ROBO2: variants seen among roughly 807,000 people sequenced by gnomAD.
ROBO2 encodes the protein roundabout homolog 2.
ROBO2 carries 53 observed loss-of-function variants against 160.8 expected under a neutral mutation model. The ratio of observed to expected loss-of-function variants is 0.33; its 90% CI spans 0.26 to 0.41. The LOEUF (loss-of-function observed/expected upper bound fraction) is 0.41. ROBO2 is among the 10% of genes least tolerant of loss of function. The probability of loss-of-function intolerance (pLI) is 1.00; values close to 1 mark genes in which losing one functional copy is unlikely to be tolerated. For missense variants in ROBO2, 1,577 were observed against 1,722.4 expected, an observed-to-expected ratio of 0.92 and a Z score of 1.49; for synonymous variants, 664 against 611.7, an observed-to-expected ratio of 1.09 and a Z score of -1.26.
intron 2 of ROBO2, among the ~76,000 whole-genome samples, chr3:76,281,487 G>C (rs565690499): frequency 6.6e-6 from 1 of 151,924 alleles, no homozygotes; most frequent in East Asian, 1.9e-4. Flanking sequence ...AAAATGTTTG[G>C]ACAGGAGACA....
intron 2 of ROBO2, among the ~76,000 whole-genome samples, chr3:77,111,249 A>G (rs1051894653): frequency 1.3e-5 from 2 of 152,200 alleles, no homozygotes; most frequent in African/African-American, 4.8e-5. Context: ...AACATTAAAT[A>G]AAACTAATAA....
chr3:76,254,383 T>A (rs1405148172), intron 2 of ROBO2, among the ~76,000 whole-genome samples: 1 of 152,090 alleles, frequency 6.6e-6, no homozygotes, highest in East Asian at 1.9e-4. Flanking sequence ...GTTTATATGA[T>A]CAACACACTC....
At chr3:76,434,520 T>A in intron 2 of ROBO2, 2 of 1,566,566 alleles carry the variant, frequency 1.3e-6, no homozygotes, top group Non-Finnish European at 1.8e-6. Context: ...TACAAAGATG[T>A]GGATAAGAAG....
At chr3:76,999,658 A>G (rs1052009815) in intron 2 of ROBO2, among the ~76,000 whole-genome samples, 2 of 152,176 alleles carry the variant, frequency 1.3e-5, no homozygotes, top group African/African-American at 4.8e-5. Flanking sequence ...ACAATTTAGC[A>G]AGAAATGTGT....
At chr3:76,439,854 T>C in intron 2 of ROBO2, among the ~76,000 whole-genome samples, 1 of 152,162 alleles carries the variant, frequency 6.6e-6, no homozygotes, top group Admixed American at 6.6e-5. Context: ...GGATGTAGTC[T>C]TCACACTCCC....
At chr3:77,539,624 T>C (rs1023228509) in intron 6 of ROBO2, among the ~76,000 whole-genome samples, 11 of 152,196 alleles carry the variant, frequency 7.2e-5, no homozygotes, top group African/African-American at 2.7e-4. Context: ...TTCTGTTCTT[T>C]TTAAAATGTA....
chr3:76,733,252 G>A (rs1056925245), intron 2 of ROBO2, among the ~76,000 whole-genome samples: 1 of 152,178 alleles, frequency 6.6e-6, no homozygotes, highest in East Asian at 1.9e-4. Context: ...AACAGACTGT[G>A]TATACAAAGA....
At chr3:76,332,846 T>C (rs1288765564) in intron 2 of ROBO2, among the ~76,000 whole-genome samples, 4 of 152,240 alleles carry the variant, frequency 2.6e-5, no homozygotes, top group African/African-American at 9.6e-5. Context: ...AGTTATGTAA[T>C]AGAATAAAGT....
chr3:77,056,816 A>T (rs2065796460), intron 1 of ROBO2, among the ~76,000 whole-genome samples: 1 of 152,204 alleles, frequency 6.6e-6, no homozygotes, highest in South Asian at 2.1e-4. Context: ...AGGAATTGAC[A>T]TGTAATATAC....
At chr3:76,459,833 A>G (rs917111037) in intron 2 of ROBO2, among the ~76,000 whole-genome samples, 1 of 152,114 alleles carries the variant, frequency 6.6e-6, no homozygotes, top group Non-Finnish European at 1.5e-5. Context: ...TTTATCATTC[A>G]TTTCTATAAA....
intron 2 of ROBO2, among the ~76,000 whole-genome samples, chr3:76,937,336 T>G (rs1469407371): frequency 7.8e-6 from 1 of 127,906 alleles, no homozygotes; most frequent in Non-Finnish European, 1.7e-5. Flanking sequence ...AGAAATAACT[T>G]CCAGGGTTTT....
At chr3:77,178,742 T>A (rs1402018771) in intron 2 of ROBO2, among the ~76,000 whole-genome samples, 1 of 152,154 alleles carries the variant, frequency 6.6e-6, no homozygotes, top group Non-Finnish European at 1.5e-5. Flanking sequence ...AGATTGCACT[T>A]AAATATTCTC....
chr3:76,292,929 T>C (rs1708876701), intron 2 of ROBO2, among the ~76,000 whole-genome samples: 1 of 152,104 alleles, frequency 6.6e-6, no homozygotes, highest in South Asian at 2.1e-4. Flanking sequence ...TTTTAGAAGA[T>C]ATTTCTGAAT....
At chr3:75,938,211 G>T (rs1947885396) in intron 2 of ROBO2, among the ~76,000 whole-genome samples, 2 of 151,726 alleles carry the variant, frequency 1.3e-5, no homozygotes, top group African/African-American at 4.8e-5. Flanking sequence ...AGTAGAAAAG[G>T]GCCATAGATT....
intron 2 of ROBO2, among the ~76,000 whole-genome samples, chr3:77,263,714 G>A (rs371610635): frequency 6.6e-5 from 10 of 152,150 alleles, no homozygotes; most frequent in African/African-American, 2.4e-4. Flanking sequence ...CAGTGAACAT[G>A]AGTGAATGTG....
chr3:76,976,424 G>A (rs1393820201), intron 2 of ROBO2, among the ~76,000 whole-genome samples: 1 of 152,124 alleles, frequency 6.6e-6, no homozygotes, highest in Admixed American at 6.5e-5. Context: ...ATGGGAAATG[G>A]GAAGTTTTTT....
At chr3:75,953,674 T>A (rs1464941209) in intron 2 of ROBO2, among the ~76,000 whole-genome samples, 3 of 151,900 alleles carry the variant, frequency 2.0e-5, no homozygotes, top group African/African-American at 7.2e-5. Flanking sequence ...TATAGGCCCC[T>A]TTCAAACAGT....
chr3:75,967,314 C>T (rs1949150588), intron 2 of ROBO2, among the ~76,000 whole-genome samples: 1 of 151,500 alleles, frequency 6.6e-6, no homozygotes, highest in African/African-American at 2.4e-5. Context: ...GAGAAGATTT[C>T]AGTTACTTGC....
intron 2 of ROBO2, among the ~76,000 whole-genome samples, chr3:76,877,324 CTTT>C (rs1431633392): frequency 6.6e-6 from 1 of 152,086 alleles, no homozygotes; most frequent in Non-Finnish European, 1.5e-5. Flanking sequence ...AGTGTGTTTT[CTTT>C]CAGAATACGA....
Sources: gnomAD v4.1 joint callset for allele counts (sites outside exome capture counted in the v4.1 genomes callset) on GRCh38, gnomAD v4.1.1 for gene constraint, MANE v1.5 for transcripts, NCBI Gene and HGNC (gene_info 2026-07-23, HGNC 2026-07-21) for gene names.